The following KCNN2 variants were observed in gnomAD, a reference collection of about 807,000 sequenced individuals.
KCNN2 encodes small conductance calcium-activated potassium channel protein 2.
KCNN2 carries 24 observed loss-of-function variants against 55.5 expected under a neutral mutation model. The ratio of observed to expected loss-of-function variants is 0.43; its 90% CI spans 0.31 to 0.61. The LOEUF (loss-of-function observed/expected upper bound fraction) is 0.61, where lower values mean the gene tolerates loss of function less well. KCNN2 is among the 20% of genes least tolerant of loss of function. The pLI is 0.08. For missense variants in KCNN2, 754 were observed against 853.6 expected, an observed-to-expected ratio of 0.88 and a Z score of 1.45; for synonymous variants, 431 against 336.1, an observed-to-expected ratio of 1.28 and a Z score of -3.09.
At chr5:114,412,313 T>C (rs1482182732) in intron 3 of KCNN2, among the ~76,000 whole-genome samples, 5 of 152,226 alleles carry the variant, frequency 3.3e-5, no homozygotes, top group African/African-American at 1.2e-4. Flanking sequence ...TAAATTAATT[T>C]AGCATTGCAG....
rs376777890 is a variant in KCNN2, at chr5:114,385,967, AG to A, written c.1219-18469del. Among the ~76,000 whole-genome samples the A allele has an allele frequency of 4.2e-3, 644 of 151,976 alleles. 6 individuals are homozygous for A. Among genetic ancestry groups the A allele is most frequent in the African/African-American group, 0.015 (605 of 41,446 alleles). ...GCCGAGGCGGGCGGATCGTGAGGTCAGGAAATCGAGACCAGCCTGGCTAACA... is the reference window on the plus strand; with the variant it reads ...GCCGAGGCGGGCGGATCGTGAGGTCAGAAATCGAGACCAGCCTGGCTAACA... On this transcript the variant is annotated intron_variant, in intron 2 of 7. Coordinates refer to ENST00000673685, the MANE Select transcript of KCNN2 (RefSeq NM_021614.4).
chr5:114,274,073 T>G (rs1755429161), intron 2 of KCNN2, among the ~76,000 whole-genome samples: 1 of 152,164 alleles, frequency 6.6e-6, no homozygotes, highest in African/African-American at 2.4e-5. Flanking sequence ...GCCAGTTTTC[T>G]CAACACCATT....
chr5:114,262,476 T>C (rs1454911059), intron 2 of KCNN2, among the ~76,000 whole-genome samples: 4 of 152,310 alleles, frequency 2.6e-5, no homozygotes, highest in African/African-American at 9.6e-5. Context: ...AGCAGAGTAG[T>C]CATGAATGTG....
intron 1 of KCNN2, among the ~76,000 whole-genome samples, chr5:114,168,973 C>T (rs796698511): frequency 5.3e-5 from 8 of 152,212 alleles, no homozygotes; most frequent in African/African-American, 1.9e-4. Context: ...GGGACAGATT[C>T]TGCCCTTGCT....
chr5:114,160,641 G>A (rs1441649892), intron 1 of KCNN2, among the ~76,000 whole-genome samples: 1 of 152,126 alleles, frequency 6.6e-6, no homozygotes, highest in Admixed American at 6.6e-5. Flanking sequence ...GGGAGTCTAA[G>A]TCTCTTTGTA....
intron 1 of KCNN2, among the ~76,000 whole-genome samples, chr5:114,099,725 T>C (rs1477653878): frequency 2.0e-5 from 3 of 152,244 alleles, no homozygotes; most frequent in South Asian, 4.1e-4. Context: ...TTGGACCAGA[T>C]TGCTTTTCTT....
intron 1 of KCNN2, among the ~76,000 whole-genome samples, chr5:114,218,251 A>G (rs75490110): frequency 0.041 from 6,264 of 152,308 alleles, 407 homozygotes; most frequent in African/African-American, 0.14. Context: ...CCAAAGGAAT[A>G]GAAAAGTTCT....
chr5:114,123,426 G>T (rs1237157827), intron 1 of KCNN2, among the ~76,000 whole-genome samples: 1 of 58,454 alleles, frequency 1.7e-5, no homozygotes. Context: ...GCAGTGGCGC[G>T]ATCTCGGCTC....
chr5:114,489,494 T>C (rs958748839), intron 6 of KCNN2, among the ~76,000 whole-genome samples: 2 of 152,148 alleles, frequency 1.3e-5, no homozygotes, highest in Non-Finnish European at 2.9e-5. Flanking sequence ...ATATTTCTTA[T>C]TCTGTTTCTT....
In KCNN2 at chr5:114,362,954, C is replaced by A; in HGVS notation, c.815C>A (p.Ser272Ter). The change falls in exon 1 of 8, where the codon TCG becomes TAG. Residue 272 changes from serine to a stop codon, truncating the protein, a stop_gained. Coordinates refer to ENST00000673685, the MANE Select transcript of KCNN2 (RefSeq NM_021614.4). LOFTEE classifies it high-confidence loss of function. ...SAAAAAAAAVSSSAPEIVVSK... is the reference protein window; with the variant it reads ...SAAAAAAAAV ...GCCGCTGCCGCCGCCGCCGCTGTTT[C>A]GTCCTCAGCCCCCGAGATCGTGGTG... 1.3e-6 allele frequency: 2 copies of A among 1,582,778 alleles called. No individual in the cohort carries two copies. Among genetic ancestry groups the A allele is most frequent in the Admixed American group, 1.8e-5 (1 of 57,096 alleles).
At chr5:114,206,030 C>A (rs1753761670) in intron 1 of KCNN2, among the ~76,000 whole-genome samples, 1 of 152,166 alleles carries the variant, frequency 6.6e-6, no homozygotes, top group Non-Finnish European at 1.5e-5. Flanking sequence ...GTCCAAAGTT[C>A]ATAAAAATTG....
intron 3 of KCNN2, among the ~76,000 whole-genome samples, chr5:114,462,319 G>C: frequency 6.6e-6 from 1 of 152,154 alleles, no homozygotes; most frequent in East Asian, 1.9e-4. Context: ...GAATGATTAG[G>C]ATACTTTGTA....
In KCNN2 at chr5:114,123,457, G is replaced by A. The variant is rs1026249116; in HGVS notation, c.-271+66957G>A. Among the ~76,000 whole-genome samples the A allele has an allele frequency of 7.8e-5, 6 of 76,436 alleles. 2 individuals carry two copies. Among genetic ancestry groups the A allele is most frequent in the African/African-American group, 4.4e-4 (6 of 13,728 alleles). 50.1% of individuals were successfully genotyped at this position (76,436 alleles called of 152,430 possible). On this transcript the variant is annotated intron_variant, in intron 1 of 10. Transcript: ENST00000512097. ...GGCTCACTGCAAGCTCCGCCTCCCG[G>A]GTTCACGCCATTCTCCTGTCTCAGC...
At chr5:114,253,783 A>C (rs1320332623) in intron 2 of KCNN2, 4 of 152,022 alleles carry the variant, frequency 2.6e-5, no homozygotes, top group Admixed American at 6.5e-5. Flanking sequence ...TTCCATTTCT[A>C]CCTTTTTTAC....
intron 2 of KCNN2, among the ~76,000 whole-genome samples, chr5:114,266,386 G>A (rs185760749): frequency 6.6e-6 from 1 of 152,258 alleles, no homozygotes; most frequent in Non-Finnish European, 1.5e-5. Context: ...GGGAGAAAGA[G>A]CAACTGTTTG....
At chr5:114,243,711 A>G (rs895349201) in intron 2 of KCNN2, among the ~76,000 whole-genome samples, 1 of 152,202 alleles carries the variant, frequency 6.6e-6, no homozygotes, top group African/African-American at 2.4e-5. Context: ...TATCATAGGT[A>G]TGTATAGGAA....
intron 3 of KCNN2, among the ~76,000 whole-genome samples, chr5:114,437,667 A>G (rs1760055356): frequency 6.6e-6 from 1 of 152,202 alleles, no homozygotes; most frequent in African/African-American, 2.4e-5. Flanking sequence ...TTTTCCAACT[A>G]CATGTGATCA....
At chr5:114,109,693 G>C (rs6867905) in intron 1 of KCNN2, among the ~76,000 whole-genome samples, 32,430 of 151,992 alleles carry the variant, frequency 0.21, 3,994 homozygotes, top group African/African-American at 0.34. Flanking sequence ...CAATTACAGT[G>C]CAACAAGAGG....
At chr5:114,341,730 C>T (rs1561577820) in intron 2 of KCNN2, among the ~76,000 whole-genome samples, 1 of 152,078 alleles carries the variant, frequency 6.6e-6, no homozygotes, top group African/African-American at 2.4e-5. Flanking sequence ...ACATTTTACC[C>T]ATAACATACT....
Sources: gnomAD v4.1 joint callset for allele counts (sites outside exome capture counted in the v4.1 genomes callset) on GRCh38, gnomAD v4.1.1 for gene constraint, MANE v1.5 for transcripts, NCBI Gene and HGNC (gene_info 2026-07-23, HGNC 2026-07-21) for gene names.